Variants in MAPKBP1 observed in about 807,000 individuals in gnomAD.
MAPKBP1 encodes the protein mitogen-activated protein kinase binding protein 1.
In MAPKBP1, 71 loss-of-function variants were observed where a neutral mutation model predicts 170.5. The ratio of observed to expected loss-of-function variants is 0.42; its 90% CI spans 0.34 to 0.51. MAPKBP1 has a LOEUF of 0.51. Ranked by LOEUF, MAPKBP1 falls within the 20% of genes least tolerant of loss-of-function variation. The pLI, the probability that MAPKBP1 is intolerant of heterozygous loss-of-function variation, is 0.06. For synonymous variants in MAPKBP1, 719 were observed against 757.9 expected (o/e 0.95, Z 0.84); for missense variants, 1,598 against 1,933.0 (o/e 0.83, Z 3.25).
Position 41,786,763 on chromosome 15 carries a change from T to TAAAAAAA in MAPKBP1, c.114+11383_114+11389dup, listed in dbSNP as rs1232815975. On this transcript the variant is annotated intron_variant, in intron 2 of 30. Transcript: ENST00000457542. The stretch of plus-strand genomic sequence containing the variant: ...ATGGGCGACAGAGCCAGACTCCGTC[T>TAAAAAAA]AAAAAAAAAAAAAAATATATATATA... 2.1e-3 allele frequency among the ~76,000 whole-genome samples: 64 copies of TAAAAAAA among 30,538 alleles called. 6 individuals carry two copies. The highest frequency in any genetic ancestry group is 3.0e-3 in the Non-Finnish European group (54 of 17,994). 20.0% of individuals were successfully genotyped at this position (30,538 alleles called of 152,430 possible).
In MAPKBP1 at chr15:41,815,400, A is replaced by C; in HGVS notation, c.1312A>C (p.Ser438Arg). Reference protein sequence around the residue: ...HGSTLHRNILSSDLIKIIYVD... With the variant: ...HGSTLHRNILRSDLIKIIYVD... ...CTCCACCCTCCACCGAAACATCCTC[A>C]GCAGTGTGAGCCCTGAGGCTGTGGG... The change falls in exon 11 of 31, where the codon AGC becomes CGC. Residue 438 changes from serine to arginine, a missense_variant. Ser to Arg is a moderately radical substitution (Grantham distance 110). Transcript: ENST00000457542. The C allele has an allele frequency of 6.2e-7, 1 of 1,614,096 alleles. No individual in the cohort carries two copies. Among genetic ancestry groups the C allele is most frequent in the Non-Finnish European group, 8.5e-7 (1 of 1,180,006 alleles).
At chr15:41,805,245 C>T (rs916214112) in intron 3 of MAPKBP1, among the ~76,000 whole-genome samples, 9 of 152,198 alleles carry the variant, frequency 5.9e-5, no homozygotes, top group Non-Finnish European at 1.3e-4. Context: ...CCTAGTGGCT[C>T]CTACATCCCT....
chr15:41,811,442 T>G (rs2064804285), intron 5 of MAPKBP1: 1 of 705,058 alleles, frequency 1.4e-6, no homozygotes, highest in Admixed American at 2.0e-5. Context: ...ATCACTAGCC[T>G]GGTCCTCAGA....
At chr15:41,778,134 C>T (rs770260246) in intron 2 of MAPKBP1, among the ~76,000 whole-genome samples, 1 of 152,106 alleles carries the variant, frequency 6.6e-6, no homozygotes, top group Non-Finnish European at 1.5e-5. Flanking sequence ...CTTTACATCA[C>T]ACCGTTTAGG....
Position 41,816,559 on chromosome 15 carries a change from G to T in MAPKBP1, c.1494G>T (p.Arg498Ser). 1 of 1,613,212 alleles carries T rather than the reference G, an allele frequency of 6.2e-7. No individual in the cohort carries two copies. Among genetic ancestry groups the T allele is most frequent in the Non-Finnish European group, 8.5e-7 (1 of 1,179,214 alleles). Reference sequence around the variant, plus strand: ...TTCCCACCTCTCCTCATCTTTGCAGGGTGCACGAACTTCAGTCCCTGAGTG... The same window carrying T: ...TTCCCACCTCTCCTCATCTTTGCAGTGTGCACGAACTTCAGTCCCTGAGTG... The part of the protein sequence containing the change: ...LASGDRMGTL[R>S]VHELQSLSEM... The change falls in exon 13 of 31, where the codon AGG (arginine) becomes AGT (serine). Residue 498 changes from arginine to serine, a missense_variant and splice_region_variant. Transcript: ENST00000457542.
Position 41,823,049 on chromosome 15 carries a change from C to T in MAPKBP1, c.3425C>T (p.Pro1142Leu). The change falls in exon 28 of 31, where the codon CCC becomes CTC. Residue 1142 changes from proline (P) to leucine (L), a missense_variant. Physicochemically the swap from Pro to Leu is moderately conservative, Grantham distance 98. Coordinates refer to ENST00000457542, the MANE Select transcript of MAPKBP1 (RefSeq NM_014994.3). ...RGNGANPPGAPPEVEPSSGNP... is the reference protein window; with the variant it reads ...RGNGANPPGALPEVEPSSGNP... The stretch of plus-strand genomic sequence containing the variant: ...AATGGTGCCAATCCCCCTGGAGCAC[C>T]CCCGGAGGTGGAACCGTCCTCTGGC... 1 of 1,614,000 alleles carries T rather than the reference C, an allele frequency of 6.2e-7. No individual in the cohort carries two copies. The highest frequency in any genetic ancestry group is 8.5e-7 in the Non-Finnish European group (1 of 1,179,966).
chr15:41,815,722 C>A lies in MAPKBP1; in HGVS notation c.1416C>A (p.Pro472=). The A allele has an allele frequency of 6.2e-7, 1 of 1,614,184 alleles. No homozygotes were observed. The highest frequency in any genetic ancestry group is 2.2e-5 in the East Asian group (1 of 44,878). The part of the protein sequence containing the change: ...GDKADASLLD[P]RVGIRSVCVS... ...AAGCTGATGCATCCCTGTTGGATCCCCGCGTGGGCATCCGCTCGGTGTGTG... is the reference window on the plus strand; with the variant it reads ...AAGCTGATGCATCCCTGTTGGATCCACGCGTGGGCATCCGCTCGGTGTGTG... The change falls in exon 12 of 31, where the codon CCC becomes CCA. Residue 472 remains proline (P), a synonymous_variant. Coordinates refer to ENST00000457542, the MANE Select transcript of MAPKBP1 (RefSeq NM_014994.3).
At chr15:41,797,991 C>T (rs1225837243) in intron 2 of MAPKBP1, among the ~76,000 whole-genome samples, 1 of 152,018 alleles carries the variant, frequency 6.6e-6, no homozygotes, top group Non-Finnish European at 1.5e-5. Context: ...TGGCTCATGC[C>T]TGTAATCCCA....
intron 3 of MAPKBP1, among the ~76,000 whole-genome samples, chr15:41,801,531 GT>G (rs1485912604): frequency 6.6e-6 from 1 of 152,028 alleles, no homozygotes; most frequent in Non-Finnish European, 1.5e-5. Flanking sequence ...GATTTGCTTA[GT>G]TTTATCACCT....
At chr15:41,789,580 G>A (rs990526903) in intron 2 of MAPKBP1, among the ~76,000 whole-genome samples, 10 of 152,090 alleles carry the variant, frequency 6.6e-5, no homozygotes, top group South Asian at 2.1e-4. Flanking sequence ...ACCCTGCAGT[G>A]CCAGTTGGCT....
At chr15:41,794,374 G>A (rs1421060553) in intron 2 of MAPKBP1, among the ~76,000 whole-genome samples, 2 of 152,098 alleles carry the variant, frequency 1.3e-5, no homozygotes, top group East Asian at 3.9e-4. Context: ...TGCTCATAAG[G>A]TCCTGAGCCC....
At chr15:41,821,518 A>AC in intron 23 of MAPKBP1, 66 bp from the exon 24 acceptor site, 1 of 1,386,224 alleles carries the variant, frequency 7.2e-7, no homozygotes, top group Non-Finnish European at 9.9e-7. Context: ...CTCAGGGCTT[A>AC]CCCCCCAGCT....
chr15:41,822,624 G>C lies in MAPKBP1; in HGVS notation c.3261G>C (p.Glu1087Asp). Residue 1087 changes from glutamate to aspartate, a missense_variant, in exon 27 of 31, where the codon GAG becomes GAC. Glu to Asp is a conservative substitution (Grantham distance 45). Transcript: ENST00000457542. ...GAPVQVPERS[E>D]SRSISSRFLL... ...CAGTGCAGGTCCCAGAGAGGTCAGA[G>C]TCTCGGAGTATCTCTTCACGATTCC... 6.2e-7 allele frequency: 1 copy of C among 1,614,088 alleles called. No individual in the cohort carries two copies. Among genetic ancestry groups the C allele is most frequent in the Non-Finnish European group, 8.5e-7 (1 of 1,179,994 alleles).
At position 41,818,770 on chromosome 15, in the gene MAPKBP1, C is replaced by T. The variant is rs1045043816; in HGVS notation, c.2157-53C>T. The T allele has an allele frequency of 1.1e-5, 18 of 1,607,364 alleles. No individual in the cohort carries two copies. The highest frequency in any genetic ancestry group is 8.4e-5 in the Admixed American group (5 of 59,716). On this transcript the variant is annotated intron_variant, in intron 19 of 30. Transcript: ENST00000457542. This position sits in a 1 kb window ranked among gnomAD's most constrained non-coding sequence, Gnocchi z 5.2. ...ATCCATGGATAAGGGGAACGAATGG[C>T]GCTAGCCATTCTACCTGCCCCTCCT...
At chr15:41,819,005 G>A (rs748879024) in intron 20 of MAPKBP1, 48 bp downstream of exon 20, 2 of 1,604,480 alleles carry the variant, frequency 1.2e-6, no homozygotes, top group Non-Finnish European at 1.7e-6. Context: ...CAGATGGCTT[G>A]CTGGGACCTC....
At chr15:41,823,409 C>T in intron 28 of MAPKBP1, 38 bp from the exon 29 acceptor site, 1 of 1,577,898 alleles carries the variant, frequency 6.3e-7, no homozygotes. Context: ...ATGCCTTCCT[C>T]AACACCTGAC....
intron 2 of MAPKBP1, among the ~76,000 whole-genome samples, chr15:41,784,926 G>A (rs994940835): frequency 4.6e-5 from 7 of 151,148 alleles, no homozygotes; most frequent in Admixed American, 4.0e-4. Flanking sequence ...AAATTAGTTG[G>A]GCATGGTTGT....
At chr15:41,775,495 A>G in intron 2 of MAPKBP1, 106 bp downstream of exon 2, 1 of 811,904 alleles carries the variant, frequency 1.2e-6, no homozygotes, top group Non-Finnish European at 2.0e-6. Context: ...GCCCTTGTTG[A>G]CTCTAAAGGA....
intron 2 of MAPKBP1, among the ~76,000 whole-genome samples, chr15:41,798,497 G>T (rs1169318695): frequency 6.6e-6 from 1 of 151,910 alleles, no homozygotes; most frequent in South Asian, 2.1e-4. Context: ...TGGCCAGGCT[G>T]GTCTCAAACT....
Sources: allele counts gnomAD v4.1 joint callset (sites outside exome capture counted in the v4.1 genomes callset), GRCh38; gene constraint gnomAD v4.1.1; non-coding constraint Gnocchi (gnomAD v3.1); transcripts MANE v1.5; gene names NCBI Gene and HGNC (gene_info 2026-07-23, HGNC 2026-07-21).